The following EZR variants were observed in gnomAD, a reference collection of about 807,000 sequenced individuals.
The protein encoded by EZR is ezrin.
EZR carries 40 observed loss-of-function variants against 74.8 expected under a neutral mutation model. That is an observed-to-expected ratio of 0.53 (90% CI 0.42 to 0.70). The LOEUF (loss-of-function observed/expected upper bound fraction) is 0.70, where lower values mean the gene tolerates loss of function less well. EZR is among the 30% of genes least tolerant of loss of function. EZR has a pLI of 0.00. For missense variants in EZR, 678 were observed against 755.8 expected (o/e 0.90, Z 1.21); for synonymous variants, 341 against 283.3 (o/e 1.20, Z -2.05).
At chr6:158,794,723 G>A (rs774667258) in intron 2 of EZR, among the ~76,000 whole-genome samples, 1 of 151,682 alleles carries the variant, frequency 6.6e-6, no homozygotes, top group African/African-American at 2.4e-5. Flanking sequence ...TGTATAGTAA[G>A]CAGTTAGTCA....
At chr6:158,776,748 A>C (rs2128567809) in intron 7 of EZR, among the ~76,000 whole-genome samples, 1 of 152,246 alleles carries the variant, frequency 6.6e-6, no homozygotes, top group East Asian at 1.9e-4. Context: ...TCCTCAGTCT[A>C]GGGCACCTAT....
intron 7 of EZR, among the ~76,000 whole-genome samples, chr6:158,781,000 A>C (rs536616495): frequency 2.6e-5 from 4 of 152,350 alleles, no homozygotes; most frequent in Admixed American, 6.5e-5. Flanking sequence ...TAATACTAAA[A>C]CAGGTGTTTT....
At chr6:158,812,830 C>T (rs1374711623) in intron 2 of EZR, among the ~76,000 whole-genome samples, 4 of 152,158 alleles carry the variant, frequency 2.6e-5, no homozygotes, top group Non-Finnish European at 5.9e-5. Context: ...GAGAAGTCAG[C>T]CTCGACACCA....
intron 3 of EZR, among the ~76,000 whole-genome samples, chr6:158,788,110 A>G (rs192476929): frequency 1.3e-5 from 2 of 152,362 alleles, no homozygotes; most frequent in African/African-American, 4.8e-5. Context: ...TCCTTCAAAT[A>G]CATGGCTTCT....
rs776055462 is a variant in EZR, at chr6:158,769,863, G to A, written c.1172C>T (p.Ala391Val). 7.4e-6 allele frequency: 12 copies of A among 1,613,710 alleles called. No homozygotes were observed. The highest frequency in any genetic ancestry group is 6.7e-5 in the Admixed American group (4 of 59,998). Residue 391 changes from alanine to valine, a missense_variant, in exon 11 of 14, where the codon GCT becomes GTT. Physicochemically the swap from Ala to Val is moderately conservative, Grantham distance 64. Coordinates refer to ENST00000367075, the MANE Select transcript of EZR (RefSeq NM_001111077.2). ...RAQEEAERLE[A>V]DRMAALRAKE... ...AGCCCGCAGTGCAGCCATACGGTCA[G>A]CCTCTAGGCGCTCGGCCTCCTCCTG... is the stretch of plus-strand genomic sequence containing the variant.
intron 2 of EZR, among the ~76,000 whole-genome samples, chr6:158,802,895 A>G (rs1313795208): frequency 6.6e-6 from 1 of 152,106 alleles, no homozygotes; most frequent in Non-Finnish European, 1.5e-5. Flanking sequence ...CATCCAGCCC[A>G]TGTCCAGTAT....
chr6:158,798,294 G>A (rs1308491956), intron 2 of EZR, among the ~76,000 whole-genome samples: 1 of 152,132 alleles, frequency 6.6e-6, no homozygotes, highest in Non-Finnish European at 1.5e-5. Flanking sequence ...GAAAAACAAT[G>A]GCATTCAAAC....
intron 2 of EZR, among the ~76,000 whole-genome samples, chr6:158,812,338 TATA>T (rs1229210612): frequency 6.6e-6 from 1 of 152,078 alleles, no homozygotes; most frequent in East Asian, 1.9e-4. Context: ...GAAAGGAATA[TATA>T]ATAACTGCCC....
intron 8 of EZR, among the ~76,000 whole-genome samples, chr6:158,772,448 G>T (rs1036791668): frequency 6.6e-6 from 1 of 152,250 alleles, no homozygotes; most frequent in African/African-American, 2.4e-5. Context: ...CCGCCTTATC[G>T]GTGACGTTCA....
At position 158,789,253 on chromosome 6, in the gene EZR, G is replaced by C. The variant is rs140730195; in HGVS notation, c.96+35C>G. 5.6e-4 allele frequency: 846 copies of C among 1,503,028 alleles called. 5 individuals carry two copies. In the African/African-American group the frequency reaches 0.01, roughly 18 times the overall value. 93.1% of individuals were successfully genotyped at this position (1,503,028 alleles called of 1,614,324 possible). On this transcript the variant is annotated intron_variant, in intron 3 of 13. Coordinates refer to ENST00000367075, the MANE Select transcript of EZR (RefSeq NM_001111077.2). The stretch of plus-strand genomic sequence containing the variant: ...AAATGTTGCAAAACAGTTTTTTTTT[G>C]TAGGTGGAGTTAACTCTCAAGTTCA...
At chr6:158,786,709 C>T (rs561595475) in intron 4 of EZR, among the ~76,000 whole-genome samples, 1 of 151,620 alleles carries the variant, frequency 6.6e-6, no homozygotes, top group Admixed American at 6.6e-5. Context: ...GTTTATCTTA[C>T]TACTTTTCTT....
chr6:158,779,588 G>A (rs1791373015), intron 7 of EZR, among the ~76,000 whole-genome samples: 1 of 152,032 alleles, frequency 6.6e-6, no homozygotes, highest in Non-Finnish European at 1.5e-5. Context: ...AATTGAGATG[G>A]GGTCTTACTC....
intron 9 of EZR, 99 bp downstream of exon 9, chr6:158,771,145 A>G: frequency 6.7e-7 from 1 of 1,492,002 alleles, no homozygotes; most frequent in Non-Finnish European, 9.0e-7. Context: ...ATTCCACCAC[A>G]CTCTCCCCAT....
Position 158,771,087 on chromosome 6 carries a change from C to T in EZR, c.959+157G>A, listed in dbSNP as rs6942167. ...ACAACAGGCTCAGCACCACAGCAAC[C>T]GCCCAGAGACAAAGGCCTCGAAGAT... On this transcript the variant is annotated intron_variant, in intron 9 of 13. Coordinates refer to ENST00000367075, the MANE Select transcript of EZR (RefSeq NM_001111077.2). Among the ~76,000 whole-genome samples, 61,909 of 152,092 alleles carry T rather than the reference C, an allele frequency of 0.41. 13,264 individuals are homozygous for T. The highest frequency in any genetic ancestry group is 0.48 in the Non-Finnish European group (32,923 of 67,956).
Position 158,766,155 on chromosome 6 carries a change from TGTAAAAG to T in EZR, c.*752_*758del, listed in dbSNP as rs1790789977. ...TTTTTCATATGTAATTCTTTTATTC[TGTAAAAG>T]GTAACAAAATATACAGAACAAAACT... On this transcript the variant is annotated 3_prime_UTR_variant, in exon 14 of 14. Coordinates refer to ENST00000367075, the MANE Select transcript of EZR (RefSeq NM_001111077.2). 1.3e-5 allele frequency: 2 copies of T among 152,818 alleles called. No individual in the cohort carries two copies. Among genetic ancestry groups the T allele is most frequent in the Middle Eastern group, 3.4e-3 (1 of 294 alleles). The allele number at this position is 152,818 out of a possible 1,614,324, so 9.5% of individuals were successfully genotyped here. A position where few individuals can be genotyped will look rare whatever the true frequency, so the allele number is the denominator to read the frequency against.
chr6:158,796,826 C>T (rs181867412), intron 2 of EZR, among the ~76,000 whole-genome samples: 2 of 152,274 alleles, frequency 1.3e-5, no homozygotes, highest in East Asian at 1.9e-4. Flanking sequence ...GTTATTTCCA[C>T]GGAGCATCCC....
chr6:158,818,105 GGTGA>G lies in EZR; in HGVS notation c.-16_-13del, dbSNP rs1777601352. 1 of 1,607,888 alleles carries G rather than the reference GGTGA, an allele frequency of 6.2e-7. No individual in the cohort carries two copies. The highest frequency in any genetic ancestry group is 1.1e-5 in the South Asian group (1 of 90,478). ...ACTGGTTTCGGCATTTTCGGTTTCT[GGTGA>G]GTATCCTCGATCCCCGAAAACACGA... On this transcript the variant is annotated 5_prime_UTR_variant, in exon 2 of 14. Transcript: ENST00000367075.
At chr6:158,815,355 C>T (rs9457472) in intron 2 of EZR, among the ~76,000 whole-genome samples, 4,265 of 152,284 alleles carry the variant, frequency 0.028, 77 homozygotes, top group Non-Finnish European at 0.044. Flanking sequence ...ATATAATTTA[C>T]ACACAGAAAG....
chr6:158,797,507 T>C (rs1777098838), intron 2 of EZR, among the ~76,000 whole-genome samples: 1 of 152,152 alleles, frequency 6.6e-6, no homozygotes, highest in Admixed American at 6.5e-5. Flanking sequence ...CATTGCGAGC[T>C]TGACCTTCCA....
Sources: allele counts gnomAD v4.1 joint callset (sites outside exome capture counted in the v4.1 genomes callset), GRCh38; gene constraint gnomAD v4.1.1; transcripts MANE v1.5; gene names NCBI Gene and HGNC (gene_info 2026-07-23, HGNC 2026-07-21).